The following C6 variants were observed in gnomAD, a reference collection of about 807,000 sequenced individuals.
C6 encodes the protein complement component C6.
In C6, 101 loss-of-function variants were observed where a neutral mutation model predicts 112.9. That is an observed-to-expected ratio of 0.89 (90% confidence interval 0.76 to 1.06). The LOEUF is 1.06. Ranked by LOEUF, C6 falls within the 50% of genes least tolerant of loss-of-function variation. C6 has a pLI of 0.00. For missense variants in C6, 1,202 were observed against 1,104.6 expected, an observed-to-expected ratio of 1.09 and a Z score of -1.25; for synonymous variants, 431 against 384.1, an observed-to-expected ratio of 1.12 and a Z score of -1.43.
intron 7 of C6, among the ~76,000 whole-genome samples, chr5:41,177,084 T>A (rs1257966814): frequency 6.6e-6 from 1 of 152,206 alleles, no homozygotes; most frequent in Non-Finnish European, 1.5e-5. Context: ...TGAAAAAGAA[T>A]TGTGTGCATT....
At chr5:41,252,383 T>G (rs1741417909) in intron 1 of C6, among the ~76,000 whole-genome samples, 1 of 152,086 alleles carries the variant, frequency 6.6e-6, no homozygotes, top group African/African-American at 2.4e-5. Flanking sequence ...CAGTTATGCC[T>G]CATTATACCC....
In C6 at chr5:41,176,664, T is replaced by C. The variant is rs762559923; in HGVS notation, c.979A>G (p.Thr327Ala). The C allele has an allele frequency of 1.2e-6, 2 of 1,613,220 alleles. No individual in the cohort carries two copies. The highest frequency in any genetic ancestry group is 8.5e-7 in the Non-Finnish European group (1 of 1,179,360). ...GAAAGGTGCAGATCTTTAGCTTTCG[T>C]TGTGAAGTTTAAGACTTTCATCACT... ...HKVMKVLNFT[T>A]KAKDLHLSDV... Residue 327 changes from threonine (T) to alanine (A), a missense_variant, in exon 8 of 18, where the codon ACG becomes GCG. Transcript: ENST00000337836.
intron 1 of C6, among the ~76,000 whole-genome samples, chr5:41,252,095 A>G (rs1369123729): frequency 6.6e-6 from 1 of 152,214 alleles, no homozygotes; most frequent in Non-Finnish European, 1.5e-5. Flanking sequence ...CAGATACCTA[A>G]GACCATTTAA....
intron 4 of C6, among the ~76,000 whole-genome samples, chr5:41,196,770 G>A (rs1750651731): frequency 6.6e-6 from 1 of 151,984 alleles, no homozygotes; most frequent in South Asian, 2.1e-4. Flanking sequence ...AGCAAGTAGA[G>A]TGAGCAAATT....
At chr5:41,252,693 G>A (rs1741441706) in intron 1 of C6, among the ~76,000 whole-genome samples, 1 of 152,124 alleles carries the variant, frequency 6.6e-6, no homozygotes. Context: ...AAATTTAAGA[G>A]TTTGATACCT....
At chr5:41,190,813 T>C (rs1750135407) in intron 5 of C6, among the ~76,000 whole-genome samples, 1 of 152,188 alleles carries the variant, frequency 6.6e-6, no homozygotes, top group South Asian at 2.1e-4. Context: ...TTCATTCTTC[T>C]GCATATGGAT....
chr5:41,211,510 T>C (rs1751925310), intron 1 of C6, among the ~76,000 whole-genome samples: 1 of 152,052 alleles, frequency 6.6e-6, no homozygotes, highest in Admixed American at 6.6e-5. Context: ...GGGACAATAG[T>C]AGCCAGATAG....
Position 41,186,112 on chromosome 5 carries a change from ATTACT to A in C6, c.679_683del (p.Asn228IlefsTer13). 1 of 1,614,004 alleles carries A rather than the reference ATTACT, an allele frequency of 6.2e-7. No homozygotes were observed. The highest frequency in any genetic ancestry group is 1.1e-5 in the South Asian group (1 of 91,072). ...CCAGATTGGCCGGAACACGGTATGG[ATTACT>A]TGTCCTACTGCTTTTGACAGTTTTA... On this transcript the variant is annotated frameshift_variant, in exon 6 of 18. Transcript: ENST00000337836. LOFTEE classifies it high-confidence loss of function.
chr5:41,185,474 C>A (rs1490041995), intron 6 of C6, among the ~76,000 whole-genome samples: 1 of 152,168 alleles, frequency 6.6e-6, no homozygotes, highest in Non-Finnish European at 1.5e-5. Context: ...GCAGATTACT[C>A]ACTTTAGTGC....
chr5:41,244,456 A>G (rs1740905612), intron 1 of C6, among the ~76,000 whole-genome samples: 3 of 152,212 alleles, frequency 2.0e-5, no homozygotes, highest in Admixed American at 1.3e-4. Context: ...ACAAATGGTA[A>G]AGACTGGGTC....
Position 41,193,734 on chromosome 5 carries a change from T to A in C6, c.587+2058A>T, listed in dbSNP as rs534773862. On this transcript the variant is annotated intron_variant, in intron 5 of 17. Transcript: ENST00000337836. The stretch of plus-strand genomic sequence containing the variant: ...TGTTGGCAATGTAGAAATTTTTATA[T>A]CTCTTGTTAAAATTTTTCTTGGAGA... Among the ~76,000 whole-genome samples, 89 of 152,078 alleles carry A rather than the reference T, an allele frequency of 5.9e-4. 2 individuals carry two copies. Among genetic ancestry groups the A allele is most frequent in the East Asian group, 5.8e-4 (3 of 5,160 alleles).
At chr5:41,241,786 C>A (rs1483080654) in intron 1 of C6, among the ~76,000 whole-genome samples, 1 of 152,082 alleles carries the variant, frequency 6.6e-6, no homozygotes, top group Non-Finnish European at 1.5e-5. Context: ...GACCAGATAG[C>A]AAGACTGGTT....
At chr5:41,154,056 G>A in intron 14 of C6, 58 bp from the exon 15 acceptor site, 1 of 1,496,748 alleles carries the variant, frequency 6.7e-7, no homozygotes, top group Non-Finnish European at 9.3e-7. Context: ...AAAAAATTTA[G>A]GCAAATTTTG....
At chr5:41,154,345 AC>A (rs1746698477) in intron 14 of C6, among the ~76,000 whole-genome samples, 1 of 152,222 alleles carries the variant, frequency 6.6e-6, no homozygotes. Flanking sequence ...CCACGCTATG[AC>A]TGATGCAGAG....
intron 15 of C6, among the ~76,000 whole-genome samples, chr5:41,153,297 G>T (rs1019413106): frequency 6.6e-6 from 1 of 152,106 alleles, no homozygotes; most frequent in Non-Finnish European, 1.5e-5. Context: ...TCTCAGTTTG[G>T]ATTATAATTT....
intron 1 of C6, among the ~76,000 whole-genome samples, chr5:41,240,801 G>T (rs1162005577): frequency 1.3e-5 from 2 of 152,136 alleles, no homozygotes; most frequent in Non-Finnish European, 2.9e-5. Context: ...AGGTCCCTTA[G>T]TGGCTAGATG....
At chr5:41,151,555 GTCTAAA>G (rs746680396) in intron 15 of C6, among the ~76,000 whole-genome samples, 1 of 152,284 alleles carries the variant, frequency 6.6e-6, no homozygotes, top group Middle Eastern at 3.4e-3. Flanking sequence ...AGATATTCAT[GTCTAAA>G]TCTCAGTGGC....
At chr5:41,175,940 T>A (rs1748804378) in intron 8 of C6, among the ~76,000 whole-genome samples, 1 of 152,202 alleles carries the variant, frequency 6.6e-6, no homozygotes, top group Non-Finnish European at 1.5e-5. Context: ...CAGTAAGTGC[T>A]CATCTGGCCC....
At chr5:41,158,632 T>G in intron 13 of C6, 42 bp downstream of exon 13, 9 of 1,102,962 alleles carry the variant, frequency 8.2e-6, no homozygotes, top group Non-Finnish European at 1.3e-5. Flanking sequence ...CTTTTCGAGG[T>G]TTTTAAAACT....
Sources: gnomAD v4.1 joint callset for allele counts (sites outside exome capture counted in the v4.1 genomes callset) on GRCh38, gnomAD v4.1.1 for gene constraint, MANE v1.5 for transcripts, NCBI Gene and HGNC (gene_info 2026-07-23, HGNC 2026-07-21) for gene names.